The following TMEM178B variants were observed in gnomAD, a reference collection of about 807,000 sequenced individuals.
The protein encoded by TMEM178B is transmembrane protein 178B.
In TMEM178B, 5 loss-of-function variants were observed where a neutral mutation model predicts 31.0. The ratio of observed to expected loss-of-function variants is 0.16; its 90% CI spans 0.08 to 0.34. The LOEUF is 0.34. TMEM178B is among the 10% of genes least tolerant of loss of function. The pLI is 1.00. For synonymous variants in TMEM178B, 164 were observed against 164.0 expected (o/e 1.00, Z 0.00); for missense variants, 275 against 400.3 (o/e 0.69, Z 2.67).
At chr7:141,216,847 C>T (rs111572712) in intron 2 of TMEM178B, among the ~76,000 whole-genome samples, 21 of 152,106 alleles carry the variant, frequency 1.4e-4, no homozygotes, top group African/African-American at 5.1e-4. Flanking sequence ...CCCTGGGGTG[C>T]AGTGCAAAGC....
At chr7:141,312,803 C>G (rs944467748) in intron 2 of TMEM178B, among the ~76,000 whole-genome samples, 2 of 152,150 alleles carry the variant, frequency 1.3e-5, no homozygotes, top group Non-Finnish European at 2.9e-5. Flanking sequence ...CAGGTGGAAG[C>G]CTTTCAAAGA....
intron 2 of TMEM178B, among the ~76,000 whole-genome samples, chr7:141,218,083 A>G (rs1372165856): frequency 6.6e-6 from 1 of 151,324 alleles, no homozygotes; most frequent in Non-Finnish European, 1.5e-5. Flanking sequence ...CCTACCCCCA[A>G]CCCCGCAGAC....
intron 2 of TMEM178B, among the ~76,000 whole-genome samples, chr7:141,288,666 G>A (rs904165390): frequency 2.0e-5 from 3 of 152,086 alleles, no homozygotes; most frequent in African/African-American, 7.2e-5. Context: ...CTTTGCAGAC[G>A]GACTGCTGGT....
At chr7:141,104,314 G>C (rs1795105059) in intron 1 of TMEM178B, among the ~76,000 whole-genome samples, 1 of 152,174 alleles carries the variant, frequency 6.6e-6, no homozygotes, top group Non-Finnish European at 1.5e-5. Flanking sequence ...ATGGAAGGCT[G>C]AGGTGGGCCT....
At chr7:141,368,152 G>A (rs1160892127) in intron 2 of TMEM178B, among the ~76,000 whole-genome samples, 1 of 152,136 alleles carries the variant, frequency 6.6e-6, no homozygotes, top group Non-Finnish European at 1.5e-5. Flanking sequence ...AACCCCATCT[G>A]CACTAACAAT....
chr7:141,126,889 G>A (rs551666400), intron 1 of TMEM178B, among the ~76,000 whole-genome samples: 1 of 149,800 alleles, frequency 6.7e-6, no homozygotes, highest in Non-Finnish European at 1.5e-5. Context: ...GTGTGTGTGT[G>A]TGTATGTGTG....
At chr7:141,348,900 G>A (rs982144371) in intron 2 of TMEM178B, among the ~76,000 whole-genome samples, 7 of 152,248 alleles carry the variant, frequency 4.6e-5, no homozygotes, top group East Asian at 1.9e-4. Context: ...AGTGACTGGC[G>A]GAGCTCATGA....
At position 141,108,584 on chromosome 7, in the gene TMEM178B, G is replaced by A. The variant is rs1320305429; in HGVS notation, c.382+33892G>A. On this transcript the variant is annotated intron_variant, in intron 1 of 3. Transcript: ENST00000565468. The stretch of plus-strand genomic sequence containing the variant: ...ACCCAAGAGTGAGATGGGGGAGCAG[G>A]TGATGGAGGGGCGAAGAGGAAGGAA... 4.6e-5 allele frequency among the ~76,000 whole-genome samples: 7 copies of A among 152,172 alleles called. No homozygotes were observed. The East Asian group carries it at 1.4e-3, about 29-fold the overall frequency.
At chr7:141,264,368 T>C (rs1226064536) in intron 2 of TMEM178B, among the ~76,000 whole-genome samples, 1 of 152,198 alleles carries the variant, frequency 6.6e-6, no homozygotes, top group Non-Finnish European at 1.5e-5. Context: ...TCTATCTTTG[T>C]TTGCCTGTAT....
At chr7:141,356,897 G>T (rs1267921226) in intron 2 of TMEM178B, among the ~76,000 whole-genome samples, 1 of 151,894 alleles carries the variant, frequency 6.6e-6, no homozygotes, top group Non-Finnish European at 1.5e-5. Context: ...GATATTTTGT[G>T]GTCCATAAAA....
chr7:141,348,440 C>T (rs754746827), intron 2 of TMEM178B, among the ~76,000 whole-genome samples: 4 of 152,120 alleles, frequency 2.6e-5, no homozygotes, highest in South Asian at 4.1e-4. Flanking sequence ...AACGGCATTC[C>T]GACTGGGGAG....
chr7:141,337,601 T>C (rs879446675), intron 2 of TMEM178B, among the ~76,000 whole-genome samples: 1 of 152,212 alleles, frequency 6.6e-6, no homozygotes, highest in Non-Finnish European at 1.5e-5. Context: ...GTCATAGAGT[T>C]AATAAGTGGT....
rs1439714390 is a variant in TMEM178B, at chr7:141,472,985, G to C, written c.*2199G>C. 1 of 152,206 alleles carries C rather than the reference G, an allele frequency of 6.6e-6. No homozygotes were observed. Among genetic ancestry groups the C allele is most frequent in the Non-Finnish European group, 1.5e-5 (1 of 68,080 alleles). The allele number at this position is 152,206 out of a possible 1,614,324, so 9.4% of individuals were successfully genotyped here. On this transcript the variant is annotated 3_prime_UTR_variant, in exon 4 of 4. Coordinates refer to ENST00000565468, the MANE Select transcript of TMEM178B (RefSeq NM_001195278.2). Reference sequence around the variant, plus strand: ...GGACTCTGGTCAGCTTCTGCAAAAGGTCTCATGTGTGAGTTCCCTGTGTGT... The same window carrying C: ...GGACTCTGGTCAGCTTCTGCAAAAGCTCTCATGTGTGAGTTCCCTGTGTGT...
chr7:141,151,823 G>T (rs560276225), intron 1 of TMEM178B, among the ~76,000 whole-genome samples: 2 of 152,176 alleles, frequency 1.3e-5, no homozygotes, highest in African/African-American at 4.8e-5. Flanking sequence ...ACATGTAGGG[G>T]GTGTGAGTCA....
At chr7:141,397,037 G>A (rs2116613483) in intron 2 of TMEM178B, among the ~76,000 whole-genome samples, 1 of 152,288 alleles carries the variant, frequency 6.6e-6, no homozygotes, top group African/African-American at 2.4e-5. Context: ...ACGAGATGTG[G>A]GAATAGTGTC....
rs1017134056 is a variant in TMEM178B, at chr7:141,462,000, C to G, written c.635-8536C>G. Among the ~76,000 whole-genome samples, 1 of 152,196 alleles carries G rather than the reference C, an allele frequency of 6.6e-6. No homozygotes were observed. Among genetic ancestry groups the G allele is most frequent in the African/African-American group, 2.4e-5 (1 of 41,442 alleles). On this transcript the variant is annotated intron_variant, in intron 3 of 3. Transcript: ENST00000565468. This position sits in a 1 kb window ranked among gnomAD's most constrained non-coding sequence, Gnocchi z 4.0. ...GCACTTCTAACATTAGCGACGCATT[C>G]CAGGGATCCAAGTTTCTGTTTCCTC...
At chr7:141,143,960 T>C (rs1230978514) in intron 1 of TMEM178B, among the ~76,000 whole-genome samples, 1 of 152,210 alleles carries the variant, frequency 6.6e-6, no homozygotes, top group African/African-American at 2.4e-5. Flanking sequence ...TCCTAGATTT[T>C]TTTAAATTTT....
At chr7:141,215,837 T>TCTTTCTTTC (rs1414444789) in intron 2 of TMEM178B, among the ~76,000 whole-genome samples, 4 of 68,834 alleles carry the variant, frequency 5.8e-5, no homozygotes, top group African/African-American at 1.4e-4. Flanking sequence ...TTTCTTTCTT[T>TCTTTCTTTC]CTTTTCTTTT....
At position 141,089,315 on chromosome 7, in the gene TMEM178B, G is replaced by A. The variant is rs372748625; in HGVS notation, c.382+14623G>A. Reference sequence around the variant, plus strand: ...AGGCACTGGACAGGCAGACTTGGAGGTAGGGGGCCGAGATGGGGAGGAGGC... The same window carrying A: ...AGGCACTGGACAGGCAGACTTGGAGATAGGGGGCCGAGATGGGGAGGAGGC... On this transcript the variant is annotated intron_variant, in intron 1 of 3. Coordinates refer to ENST00000565468, the MANE Select transcript of TMEM178B (RefSeq NM_001195278.2). 8.1e-4 allele frequency among the ~76,000 whole-genome samples: 123 copies of A among 152,336 alleles called. 1 individual carries two copies. In the South Asian group the frequency reaches 0.023, roughly 29 times the overall value.
Sources: allele counts gnomAD v4.1 joint callset (sites outside exome capture counted in the v4.1 genomes callset), GRCh38; gene constraint gnomAD v4.1.1; non-coding constraint Gnocchi (gnomAD v3.1); transcripts MANE v1.5; gene names NCBI Gene and HGNC (gene_info 2026-07-23, HGNC 2026-07-21).